SLC24A2: variants seen among roughly 807,000 people sequenced by gnomAD.
SLC24A2 encodes solute carrier family 24 member 2.
Under a neutral mutation model 62.0 loss-of-function variants are expected in SLC24A2, and 36 were observed. The ratio of observed to expected loss-of-function variants is 0.58; its 90% CI spans 0.44 to 0.77. SLC24A2 has a LOEUF of 0.77. Ranked by LOEUF, SLC24A2 falls within the 30% of genes least tolerant of loss-of-function variation. The pLI is 0.00. For synonymous variants in SLC24A2, 358 were observed against 294.0 expected (o/e 1.22, Z -2.23); for missense variants, 846 against 817.9 (o/e 1.03, Z -0.42).
At chr9:19,935,199 C>G in the SLC24A2 span, among the ~76,000 whole-genome samples, 1 of 151,094 alleles carries the variant, frequency 6.6e-6, no homozygotes. Flanking sequence ...CCAGCCTGAC[C>G]TACTATATTG....
chr9:19,720,686 A>G lies in SLC24A2; in HGVS notation c.930+65251T>C, dbSNP rs530608129. On this transcript the variant is annotated intron_variant, in intron 2 of 10. Coordinates refer to ENST00000341998, the MANE Select transcript of SLC24A2 (RefSeq NM_020344.4). Reference sequence around the variant, plus strand: ...ATATTGTATATTAACAATTACAATGACAACCCCCCCCCCCAAAAAAAATCA... The same window carrying G: ...ATATTGTATATTAACAATTACAATGGCAACCCCCCCCCCCAAAAAAAATCA... Among the ~76,000 whole-genome samples, 683 of 77,898 alleles carry G rather than the reference A, an allele frequency of 8.8e-3. 6 individuals carry two copies. Among genetic ancestry groups the G allele is most frequent in the African/African-American group, 0.044 (655 of 14,756 alleles). 51.1% of individuals were successfully genotyped at this position (77,898 alleles called of 152,430 possible).
At chr9:20,223,629 C>T in the SLC24A2 span, among the ~76,000 whole-genome samples, 6 of 152,076 alleles carry the variant, frequency 3.9e-5, no homozygotes, top group Non-Finnish European at 8.8e-5. Context: ...GGTGAATAGA[C>T]AAATACATCA....
intron 5 of SLC24A2, among the ~76,000 whole-genome samples, chr9:19,592,507 T>C (rs111592780): frequency 0.11 from 16,716 of 148,028 alleles, 1,424 homozygotes; most frequent in East Asian, 0.43. Flanking sequence ...CCTACCTACC[T>C]ACCTACCTAC....
intron 6 of SLC24A2, among the ~76,000 whole-genome samples, chr9:19,575,910 G>A (rs1156804747): frequency 1.3e-5 from 2 of 152,156 alleles, no homozygotes; most frequent in Non-Finnish European, 2.9e-5. Context: ...CATTTTTATA[G>A]TACAAAACCA....
chr9:19,553,730 C>T (rs1241975454), intron 7 of SLC24A2, among the ~76,000 whole-genome samples: 1 of 152,204 alleles, frequency 6.6e-6, no homozygotes, highest in African/African-American at 2.4e-5. Flanking sequence ...TCACTAAGCA[C>T]CTACAGGTGC....
At chr9:19,908,052 G>T in the SLC24A2 span, among the ~76,000 whole-genome samples, 1 of 152,156 alleles carries the variant, frequency 6.6e-6, no homozygotes, top group South Asian at 2.1e-4. Context: ...AAAGAACAAA[G>T]CTGGAGGCAT....
At chr9:19,892,817 G>A in the SLC24A2 span, among the ~76,000 whole-genome samples, 1 of 152,130 alleles carries the variant, frequency 6.6e-6, no homozygotes, top group Non-Finnish European at 1.5e-5. Flanking sequence ...ATGGTAAGTG[G>A]CACATCAGGG....
intron 2 of SLC24A2, among the ~76,000 whole-genome samples, chr9:19,660,862 G>A (rs969932307): frequency 6.6e-6 from 1 of 152,206 alleles, no homozygotes; most frequent in Non-Finnish European, 1.5e-5. Flanking sequence ...GACAGGTAGT[G>A]TTATGACCCC....
the SLC24A2 span, among the ~76,000 whole-genome samples, chr9:20,106,426 G>T: frequency 1.3e-5 from 2 of 152,154 alleles, no homozygotes; most frequent in African/African-American, 4.8e-5. Flanking sequence ...TATCCTTGAT[G>T]AACGTTGATG....
chr9:20,219,539 T>C, the SLC24A2 span, among the ~76,000 whole-genome samples: 24 of 152,322 alleles, frequency 1.6e-4, no homozygotes, highest in African/African-American at 5.5e-4. Context: ...TTCTCCTAAC[T>C]GGCAGGTTGC....
At chr9:19,775,863 C>T (rs1822830434) in intron 2 of SLC24A2, among the ~76,000 whole-genome samples, 1 of 152,146 alleles carries the variant, frequency 6.6e-6, no homozygotes, top group Non-Finnish European at 1.5e-5. Flanking sequence ...GTAGAGTACA[C>T]AACTAGTACA....
chr9:19,552,611 C>T (rs1460184340), intron 7 of SLC24A2, among the ~76,000 whole-genome samples: 1 of 152,124 alleles, frequency 6.6e-6, no homozygotes, highest in African/African-American at 2.4e-5. Context: ...AGATTGATGC[C>T]TCCCCCTAGC....
chr9:19,689,784 A>G (rs1819989890), intron 2 of SLC24A2, among the ~76,000 whole-genome samples: 1 of 152,134 alleles, frequency 6.6e-6, no homozygotes, highest in African/African-American at 2.4e-5. Context: ...TTTAAGTGAT[A>G]CATAAAATTG....
At chr9:19,891,848 C>T in the SLC24A2 span, among the ~76,000 whole-genome samples, 5 of 152,202 alleles carry the variant, frequency 3.3e-5, no homozygotes, top group African/African-American at 1.2e-4. Flanking sequence ...CTAAACCATG[C>T]ATGAGAGATC....
the SLC24A2 span, among the ~76,000 whole-genome samples, chr9:20,190,787 T>G: frequency 6.8e-3 from 1,039 of 152,356 alleles, 8 homozygotes; most frequent in African/African-American, 0.022. Flanking sequence ...AGCAATTGTA[T>G]GACTTCGGGA....
At chr9:19,560,940 GAGAGAGAC>G (rs748321298) in intron 7 of SLC24A2, among the ~76,000 whole-genome samples, 3 of 130,916 alleles carry the variant, frequency 2.3e-5, no homozygotes, top group South Asian at 4.6e-4. Context: ...GAGAGAGAGA[GAGAGAGAC>G]AGAGTCTTAC....
the SLC24A2 span, among the ~76,000 whole-genome samples, chr9:20,100,371 C>T: frequency 6.6e-6 from 1 of 152,276 alleles, no homozygotes; most frequent in Admixed American, 6.5e-5. Context: ...TCCTACTCAC[C>T]TTTTAGTTCT....
the SLC24A2 span, among the ~76,000 whole-genome samples, chr9:19,812,950 G>T: frequency 3.3e-5 from 5 of 152,176 alleles, no homozygotes; most frequent in East Asian, 9.6e-4. Context: ...AACGTCCTGA[G>T]TTCTAATCCT....
intron 2 of SLC24A2, chr9:19,705,495 G>A (rs1820486163): frequency 4.6e-6 from 1 of 219,162 alleles, no homozygotes; most frequent in African/African-American, 2.3e-5. Flanking sequence ...ACTCTGTCCA[G>A]GAAGAAGCAC....
Sources: allele counts gnomAD v4.1 joint callset (sites outside exome capture counted in the v4.1 genomes callset), GRCh38; gene constraint gnomAD v4.1.1; transcripts MANE v1.5; gene names NCBI Gene and HGNC (gene_info 2026-07-23, HGNC 2026-07-21).